The following USP34 variants were observed in gnomAD, a reference collection of about 807,000 sequenced individuals.
The protein encoded by USP34 is ubiquitin specific peptidase 34.
A neutral mutation model predicts 460.3 loss-of-function variants in USP34; 70 were observed. The ratio of observed to expected loss-of-function variants is 0.15; its 90% CI spans 0.13 to 0.19. The LOEUF is 0.19. Among genes scored for constraint, USP34 ranks in the 10% least tolerant of loss-of-function variants. USP34 has a pLI of 1.00. For missense variants in USP34, 3,985 were observed against 4,236.2 expected (o/e 0.94, Z 1.65); for synonymous variants, 1,647 against 1,405.3 (o/e 1.17, Z -3.85).
At chr2:61,346,989 A>C (rs1051252818) in intron 15 of USP34, among the ~76,000 whole-genome samples, 1 of 151,836 alleles carries the variant, frequency 6.6e-6, no homozygotes, top group Admixed American at 6.6e-5. Flanking sequence ...AATACTAAAA[A>C]AGTAGCCAGG....
intron 1 of USP34, among the ~76,000 whole-genome samples, chr2:61,422,726 T>C (rs1001325212): frequency 1.3e-5 from 2 of 152,146 alleles, no homozygotes; most frequent in African/African-American, 4.8e-5. Flanking sequence ...GAAGAACTGT[T>C]AGAACTAACA....
Position 61,214,159 on chromosome 2 carries a change from G to A in USP34, c.8583C>T (p.Cys2861=), listed in dbSNP as rs1687341960. The part of the protein sequence containing the change: ...LPAYYGILRL[C]CEQSPAFTRQ... Reference sequence around the variant, plus strand: ...GTGTGAATGCAGGAGACTGCTCACAGCAGAGCCTCAGAATGCCATAGTACG... The same window carrying A: ...GTGTGAATGCAGGAGACTGCTCACAACAGAGCCTCAGAATGCCATAGTACG... The change falls in exon 68 of 80, where the codon TGC becomes TGT. Residue 2861 remains cysteine (C), a synonymous_variant. Coordinates refer to ENST00000398571, the MANE Select transcript of USP34 (RefSeq NM_014709.4). The A allele has an allele frequency of 1.2e-6, 2 of 1,614,108 alleles. No homozygotes were observed. Among genetic ancestry groups the A allele is most frequent in the South Asian group, 2.2e-5 (2 of 91,094 alleles).
At chr2:61,233,836 C>A (rs1351550689) in intron 57 of USP34, among the ~76,000 whole-genome samples, 1 of 112,250 alleles carries the variant, frequency 8.9e-6, no homozygotes, top group Non-Finnish European at 1.9e-5. Flanking sequence ...GACACCCACT[C>A]TGGGGGTAAA....
intron 58 of USP34, among the ~76,000 whole-genome samples, chr2:61,230,767 C>G (rs1192765663): frequency 6.6e-6 from 1 of 151,372 alleles, no homozygotes; most frequent in African/African-American, 2.4e-5. Context: ...TCACTTGAAC[C>G]CTGGAGGCGG....
intron 3 of USP34, among the ~76,000 whole-genome samples, chr2:61,398,237 C>T (rs747548511): frequency 2.6e-5 from 4 of 151,912 alleles, no homozygotes; most frequent in Non-Finnish European, 5.9e-5. Context: ...CATGGTGGTG[C>T]GTGTCTGTTG....
rs771231151 is a variant in USP34 at position 61,223,139 on chromosome 2, A to G, written c.7670T>C (p.Ile2557Thr). 9.3e-6 allele frequency: 15 copies of G among 1,614,038 alleles called. No individual in the cohort carries two copies. The highest frequency in any genetic ancestry group is 2.2e-5 in the South Asian group (2 of 91,062). Residue 2557 changes from isoleucine (I) to threonine (T), a missense_variant, in exon 64 of 80, where the codon ATT becomes ACT. This residue lies in a region of USP34 where 604 missense variants were observed against 684.8 expected (regional missense o/e 0.88). Transcript: ENST00000398571. The stretch of plus-strand genomic sequence containing the variant: ...TTGTCTTATATTGATGCCATCACGA[A>G]TATGTTGAAACAAGAAGGGAAATCC... ...GKGFPFLFQH[I>T]RDGINIRQTC...
intron 75 of USP34, among the ~76,000 whole-genome samples, chr2:61,195,945 C>G (rs1572825686): frequency 6.6e-6 from 1 of 151,800 alleles, no homozygotes; most frequent in African/African-American, 2.4e-5. Flanking sequence ...TGGCTCTTAT[C>G]ACCCACGCTG....
At chr2:61,437,015 G>C (rs180965331) in intron 1 of USP34, among the ~76,000 whole-genome samples, 2 of 152,136 alleles carry the variant, frequency 1.3e-5, no homozygotes. Flanking sequence ...AATACAACAC[G>C]TCAAAGCCTG....
At chr2:61,215,423 A>G (rs572465365) in intron 67 of USP34, among the ~76,000 whole-genome samples, 54 of 152,224 alleles carry the variant, frequency 3.5e-4, no homozygotes, top group Non-Finnish European at 2.6e-4. Flanking sequence ...AATCTTTAGA[A>G]GTCTTTTAAG....
intron 30 of USP34, among the ~76,000 whole-genome samples, chr2:61,296,284 A>C (rs1005638053): frequency 1.8e-4 from 28 of 151,988 alleles, no homozygotes; most frequent in Non-Finnish European, 3.7e-4. Flanking sequence ...AAATAAATAA[A>C]TTAAAACAGT....
At chr2:61,240,143 G>C (rs940842965) in intron 53 of USP34, among the ~76,000 whole-genome samples, 1 of 151,710 alleles carries the variant, frequency 6.6e-6, no homozygotes, top group East Asian at 1.9e-4. Flanking sequence ...GAGAAGATTT[G>C]CTTTTTTGTG....
At position 61,387,928 on chromosome 2, in the gene USP34, T is replaced by TACACACACACAC. The variant is rs36116916; in HGVS notation, c.754-4604_754-4593dup. 7.9e-4 allele frequency among the ~76,000 whole-genome samples: 113 copies of TACACACACACAC among 142,658 alleles called. 1 individual carries two copies. Among genetic ancestry groups the TACACACACACAC allele is most frequent in the East Asian group, 6.5e-3 (32 of 4,908 alleles). 93.6% of individuals were successfully genotyped at this position (142,658 alleles called of 152,430 possible). A position where few individuals can be genotyped will look rare whatever the true frequency, so the allele number is the denominator to read the frequency against. Reference sequence around the variant, plus strand: ...ATAAGCATATGTAAAAATATATTTATACACACACACACACACACACACACA... The same window carrying TACACACACACAC: ...ATAAGCATATGTAAAAATATATTTATACACACACACACACACACACACACACACACACACACA... On this transcript the variant is annotated intron_variant, in intron 5 of 79. Coordinates refer to ENST00000398571, the MANE Select transcript of USP34 (RefSeq NM_014709.4).
chr2:61,448,113 A>C (rs531184027), intron 1 of USP34, among the ~76,000 whole-genome samples: 8 of 152,256 alleles, frequency 5.3e-5, no homozygotes, highest in Non-Finnish European at 1.2e-4. Flanking sequence ...GTCTTTCTTC[A>C]TACAAAGTGG....
chr2:61,467,213 G>C (rs962329252), intron 1 of USP34, among the ~76,000 whole-genome samples: 6 of 151,856 alleles, frequency 4.0e-5, no homozygotes, highest in African/African-American at 1.5e-4. Context: ...TGAGGCAGGA[G>C]AATTGCTGAA....
intron 1 of USP34, among the ~76,000 whole-genome samples, chr2:61,435,420 C>A (rs1186699): frequency 0.32 from 48,300 of 149,606 alleles, 8,059 homozygotes; most frequent in Middle Eastern, 0.43. Flanking sequence ...TCCTTACAGG[C>A]AAGGAGTGAA....
chr2:61,225,212 A>C (rs1185580017), intron 62 of USP34, among the ~76,000 whole-genome samples: 1 of 152,142 alleles, frequency 6.6e-6, no homozygotes, highest in Non-Finnish European at 1.5e-5. Flanking sequence ...AAAACCCTAC[A>C]ATTTAATATT....
chr2:61,454,533 C>G (rs868008791), intron 1 of USP34, among the ~76,000 whole-genome samples: 4 of 151,994 alleles, frequency 2.6e-5, no homozygotes, highest in Middle Eastern at 3.2e-3. Context: ...AACAACAGGT[C>G]CCTGGTGACT....
intron 41 of USP34, among the ~76,000 whole-genome samples, chr2:61,273,700 G>A (rs1689287207): frequency 1.3e-5 from 2 of 152,184 alleles, no homozygotes; most frequent in Admixed American, 1.3e-4. Flanking sequence ...GGGTGACAGA[G>A]TGAGACACTG....
intron 41 of USP34, among the ~76,000 whole-genome samples, chr2:61,271,038 C>T (rs556699432): frequency 6.6e-6 from 1 of 151,974 alleles, no homozygotes; most frequent in Non-Finnish European, 1.5e-5. Flanking sequence ...AATCCCAGCA[C>T]ACTGGGAGGC....
Sources: gnomAD v4.1 joint callset for allele counts (sites outside exome capture counted in the v4.1 genomes callset) on GRCh38, gnomAD v4.1.1 for gene constraint, gnomAD v4.1.1 regional missense constraint, MANE v1.5 for transcripts, NCBI Gene and HGNC (gene_info 2026-07-23, HGNC 2026-07-21) for gene names.